HIVEP3: variants seen among roughly 807,000 people sequenced by gnomAD.
HIVEP3 encodes the protein transcription factor HIVEP3.
In HIVEP3, 49 loss-of-function variants were observed where a neutral mutation model predicts 152.8. The ratio of observed to expected loss-of-function variants is 0.32; its 90% CI spans 0.26 to 0.41. The LOEUF (loss-of-function observed/expected upper bound fraction) is 0.41, where lower values mean the gene tolerates loss of function less well. Ranked by LOEUF, HIVEP3 falls within the 10% of genes least tolerant of loss-of-function variation. HIVEP3 has a pLI of 1.00. For synonymous variants in HIVEP3, 1,269 were observed against 1,289.0 expected (o/e 0.98, Z 0.33); for missense variants, 2,790 against 3,103.3 (o/e 0.90, Z 2.40).
intron 5 of HIVEP3, among the ~76,000 whole-genome samples, chr1:41,544,818 T>A (rs150978170): frequency 0.14 from 4,574 of 32,646 alleles, 8 homozygotes; most frequent in Non-Finnish European, 0.19. Context: ...CACTACCACC[T>A]CTACCACCAC....
At chr1:41,513,912 T>C (rs1288914442) in intron 7 of HIVEP3, among the ~76,000 whole-genome samples, 162 bp from the exon 8 acceptor site, 1 of 152,184 alleles carries the variant, frequency 6.6e-6, no homozygotes, top group Non-Finnish European at 1.5e-5. Context: ...GTAACAGATA[T>C]GGGAGCGCTT....
At chr1:41,999,267 CAAAAA>C (rs1645413619) in intron 1 of HIVEP3, among the ~76,000 whole-genome samples, 1 of 151,800 alleles carries the variant, frequency 6.6e-6, no homozygotes, top group South Asian at 2.1e-4. Context: ...ACCAACTAAA[CAAAAA>C]AGTTAAAATC....
intron 2 of HIVEP3, among the ~76,000 whole-genome samples, chr1:41,631,198 G>A (rs938838819): frequency 6.6e-6 from 1 of 152,202 alleles, no homozygotes; most frequent in African/African-American, 2.4e-5. Context: ...AGGCAGTGTC[G>A]TGGGATGGAT....
chr1:42,010,143 C>A (rs2124529039), intron 1 of HIVEP3, among the ~76,000 whole-genome samples: 1 of 152,342 alleles, frequency 6.6e-6, no homozygotes, highest in African/African-American at 2.4e-5. Context: ...AGTCCTCCTA[C>A]ATTGGTCTCC....
intron 1 of HIVEP3, among the ~76,000 whole-genome samples, chr1:41,966,640 A>ATTTTTTT (rs373102318): frequency 7.0e-6 from 1 of 142,488 alleles, no homozygotes; most frequent in African/African-American, 2.6e-5. Flanking sequence ...TGCCCAGCTA[A>ATTTTTTT]TTTTTTTTTT....
At position 41,580,621 on chromosome 1, in the gene HIVEP3, T is replaced by C; in HGVS notation, c.4177A>G (p.Thr1393Ala). The C allele has an allele frequency of 1.9e-6, 3 of 1,614,014 alleles. No homozygotes were observed. Among genetic ancestry groups the C allele is most frequent in the Non-Finnish European group, 2.5e-6 (3 of 1,180,012 alleles). ...LSEEQSRAFP[T>A]PYLRVPVTLP... ...GTCACAGGCACTCTCAGGTATGGAG[T>C]TGGGAAAGCTCTGCTTTGCTCTTCA... Residue 1393 changes from threonine (T) to alanine (A), a missense_variant, in exon 4 of 9, where the codon ACT (threonine) becomes GCT (alanine). Thr to Ala is a moderately conservative substitution (Grantham distance 58). Transcript: ENST00000372583.
intron 1 of HIVEP3, among the ~76,000 whole-genome samples, chr1:41,885,030 T>C (rs1644322507): frequency 6.6e-6 from 1 of 152,200 alleles, no homozygotes; most frequent in Non-Finnish European, 1.5e-5. Flanking sequence ...CCAGTACCCA[T>C]GCTCTCCACA....
intron 3 of HIVEP3, among the ~76,000 whole-genome samples, chr1:41,619,867 G>A (rs1169029822): frequency 6.6e-6 from 1 of 152,176 alleles, no homozygotes; most frequent in African/African-American, 2.4e-5. Flanking sequence ...TAGCCCCAGA[G>A]AGGCTGCTCA....
chr1:41,769,199 C>G (rs1002684540), intron 1 of HIVEP3, among the ~76,000 whole-genome samples: 3 of 152,222 alleles, frequency 2.0e-5, no homozygotes, highest in African/African-American at 7.2e-5. Context: ...CAAAAGCCAG[C>G]CACAGAAATC....
intron 5 of HIVEP3, among the ~76,000 whole-genome samples, chr1:41,534,967 C>T (rs772641151): frequency 3.3e-5 from 5 of 152,154 alleles, no homozygotes; most frequent in Admixed American, 1.3e-4. Context: ...TTCTTTCCTT[C>T]GGAAATAGTC....
chr1:41,506,540 A>AT lies in HIVEP3; in HGVS notation c.*3910dup, dbSNP rs1644383011. 1 of 151,180 alleles carries AT rather than the reference A, an allele frequency of 6.6e-6. No individual in the cohort carries two copies. The highest frequency in any genetic ancestry group is 6.6e-5 in the Admixed American group (1 of 15,190). 9.4% of individuals were successfully genotyped at this position (151,180 alleles called of 1,614,324 possible). A position where few individuals can be genotyped will look rare whatever the true frequency, so the allele number is the denominator to read the frequency against. The stretch of plus-strand genomic sequence containing the variant: ...AAGGTCACACACATCAATACTGAGC[A>AT]TTTTTCCTTTTGTACGTCAGACTCT... On this transcript the variant is annotated 3_prime_UTR_variant, in exon 9 of 9. Coordinates refer to ENST00000372583, the MANE Select transcript of HIVEP3 (RefSeq NM_024503.5).
At chr1:41,757,351 T>C (rs1240167336) in intron 1 of HIVEP3, among the ~76,000 whole-genome samples, 2 of 151,934 alleles carry the variant, frequency 1.3e-5, no homozygotes, top group Non-Finnish European at 2.9e-5. Flanking sequence ...TCTCCTGACG[T>C]CGTGATCCAC....
At chr1:41,897,938 GGAGAGAGAGAGA>G (rs71065103) in intron 1 of HIVEP3, among the ~76,000 whole-genome samples, 211 of 130,074 alleles carry the variant, frequency 1.6e-3, no homozygotes, top group East Asian at 6.1e-3. Context: ...TGAGAGAGAG[GGAGAGAGAGAGA>G]GAGAGAGAGA....
At chr1:41,683,117 T>C (rs966415160) in intron 2 of HIVEP3, among the ~76,000 whole-genome samples, 3 of 152,224 alleles carry the variant, frequency 2.0e-5, no homozygotes, top group African/African-American at 7.2e-5. Flanking sequence ...AATGGGGATC[T>C]GCCCAAGCCA....
At chr1:41,536,388 T>A (rs576778291) in intron 5 of HIVEP3, among the ~76,000 whole-genome samples, 2 of 152,190 alleles carry the variant, frequency 1.3e-5, no homozygotes, top group South Asian at 4.2e-4. Flanking sequence ...TGTGTATGAG[T>A]GTCATAACAT....
intron 1 of HIVEP3, among the ~76,000 whole-genome samples, chr1:42,030,812 C>T (rs898606578): frequency 6.6e-6 from 1 of 152,200 alleles, no homozygotes; most frequent in East Asian, 1.9e-4. Flanking sequence ...TATCAGCCAG[C>T]AGTTGACAAT....
intron 1 of HIVEP3, among the ~76,000 whole-genome samples, chr1:41,728,141 ACT>A (rs1324965456): frequency 6.6e-6 from 1 of 151,824 alleles, no homozygotes; most frequent in African/African-American, 2.4e-5. Context: ...CCAATTACAG[ACT>A]CTGCATGCAA....
At chr1:41,701,165 G>T (rs1017625408) in intron 1 of HIVEP3, among the ~76,000 whole-genome samples, 170 bp from the exon 2 acceptor site, 1 of 152,172 alleles carries the variant, frequency 6.6e-6, no homozygotes, top group African/African-American at 2.4e-5. Flanking sequence ...AGGTCCCTGC[G>T]GATGAAACCA....
intron 5 of HIVEP3, among the ~76,000 whole-genome samples, chr1:41,532,357 C>T (rs987616058): frequency 2.0e-5 from 3 of 152,022 alleles, no homozygotes; most frequent in African/African-American, 7.2e-5. Context: ...CTTGGGTAGG[C>T]ACCCCCCGGA....
Sources: gnomAD v4.1 joint callset for allele counts (sites outside exome capture counted in the v4.1 genomes callset) on GRCh38, gnomAD v4.1.1 for gene constraint, MANE v1.5 for transcripts, NCBI Gene and HGNC (gene_info 2026-07-23, HGNC 2026-07-21) for gene names.